Variants in ANK2 observed in about 807,000 individuals in gnomAD.
ANK2 encodes ankyrin 2.
A neutral mutation model predicts 360.5 loss-of-function variants in ANK2; 83 were observed. The ratio of observed to expected loss-of-function variants is 0.23; its 90% CI spans 0.19 to 0.28. The LOEUF is 0.28. Ranked by LOEUF, ANK2 falls within the 10% of genes least tolerant of loss-of-function variation. The pLI is 1.00. For synonymous variants in ANK2, 1,740 were observed against 1,759.5 expected, an observed-to-expected ratio of 0.99 and a Z score of 0.28; for missense variants, 4,201 against 4,795.7, an observed-to-expected ratio of 0.88 and a Z score of 3.66.
At chr4:113,039,902 G>A (rs2062531270) in intron 2 of ANK2, among the ~76,000 whole-genome samples, 1 of 151,816 alleles carries the variant, frequency 6.6e-6, no homozygotes, top group Admixed American at 6.6e-5. Flanking sequence ...GAGGCCCTAG[G>A]TTATTTGTTG....
At chr4:113,161,695 C>CGT (rs56162406) in intron 1 of ANK2, among the ~76,000 whole-genome samples, 7,746 of 144,714 alleles carry the variant, frequency 0.054, 276 homozygotes, top group East Asian at 0.11. Context: ...GTTTTAGTCT[C>CGT]GTGTGTGTGT....
chr4:113,086,974 G>A (rs964617236), intron 1 of ANK2, among the ~76,000 whole-genome samples: 5 of 152,152 alleles, frequency 3.3e-5, no homozygotes, highest in African/African-American at 1.2e-4. Flanking sequence ...ACTGTGTATG[G>A]CAGGTATTAT....
At chr4:113,089,167 G>A (rs557065422) in intron 1 of ANK2, among the ~76,000 whole-genome samples, 98 of 152,206 alleles carry the variant, frequency 6.4e-4, no homozygotes, top group African/African-American at 2.0e-3. Flanking sequence ...AAGTCACAAG[G>A]CCAGCCCAGA....
At chr4:112,767,566 C>CAATAAATAAATA in the ANK2 span, among the ~76,000 whole-genome samples, 13,086 of 144,660 alleles carry the variant, frequency 0.09, 865 homozygotes, top group African/African-American at 0.18. Flanking sequence ...GACCCTGTCT[C>CAATAAATAAATA]AATAAATAAA....
rs114521677 is a variant in ANK2 at position 112,947,138 on chromosome 4, A to G, written c.21+42624A>G. 2.8e-3 allele frequency among the ~76,000 whole-genome samples: 421 copies of G among 152,322 alleles called. 1 individual carries two copies. Among genetic ancestry groups the G allele is most frequent in the Admixed American group, 5.1e-3 (78 of 15,298 alleles). ...TATTTTATTCTCTTTGGGGGTAGGA[A>G]CCATAACTAAACAGTTATTTAACCC... On this transcript the variant is annotated intron_variant, in intron 2 of 30. Coordinates refer to the ANK2 transcript ENST00000503271.
chr4:112,853,156 A>G lies in ANK2; in HGVS notation c.-40+34892A>G, dbSNP rs979981757. ...TGATCTCGGCTCACTGCAACCTCCA[A>G]CTCCCTGGTTCAAGGGATTCTCCTG... On this transcript the variant is annotated intron_variant, in intron 1 of 30. Coordinates refer to the ANK2 transcript ENST00000503271. Among the ~76,000 whole-genome samples the G allele has an allele frequency of 5.9e-5, 9 of 151,386 alleles. 1 individual carries two copies. In the South Asian group the frequency reaches 6.3e-4, roughly 11 times the overall value.
At chr4:112,860,868 T>G (rs2067783763) in intron 1 of ANK2, among the ~76,000 whole-genome samples, 1 of 152,198 alleles carries the variant, frequency 6.6e-6, no homozygotes, top group Non-Finnish European at 1.5e-5. Flanking sequence ...AAGAATTGCT[T>G]CACTGTTAAT....
chr4:112,819,479 A>T (rs532513824), intron 1 of ANK2, among the ~76,000 whole-genome samples: 18 of 152,198 alleles, frequency 1.2e-4, no homozygotes, highest in Non-Finnish European at 2.5e-4. Flanking sequence ...GGTGAGAAAG[A>T]TGATGGTATG....
At chr4:112,797,081 C>G in the ANK2 span, 1 of 204,758 alleles carries the variant, frequency 4.9e-6, no homozygotes, top group Non-Finnish European at 1.1e-5. Flanking sequence ...GGCCACTCCT[C>G]TTCTATCTGA....
chr4:113,354,101 A>G lies in ANK2; in HGVS notation c.5483A>G (p.Glu1828Gly), dbSNP rs760692285. ...HAPGSPSPKTERHSTLSSSAK... is the reference protein window; with the variant it reads ...HAPGSPSPKTGRHSTLSSSAK... ...CCAGGGTCTCCCTCCCCTAAAACAG[A>G]AAGACACTCTACTCTTTCCTCTTCC... The change falls in exon 38 of 46, where the codon GAA (glutamate) becomes GGA (glycine). Residue 1828 changes from glutamate (E) to glycine (G), a missense_variant. Glu to Gly is a moderately conservative substitution (Grantham distance 98). Coordinates refer to ENST00000357077, the MANE Select transcript of ANK2 (RefSeq NM_001148.6). 23 of 1,614,040 alleles carry G rather than the reference A, an allele frequency of 1.4e-5. No homozygotes were observed. In the South Asian group the frequency reaches 2.5e-4, roughly 18 times the overall value.
In ANK2 at chr4:113,117,756, C is replaced by T. The variant is rs549732276; in HGVS notation, c.85-56660C>T. ...ACAGAAGAAGGAAGGGGTTGATTTACGGTTGGAGGGTTAAAGTATTTTCTT... is the reference window on the plus strand; with the variant it reads ...ACAGAAGAAGGAAGGGGTTGATTTATGGTTGGAGGGTTAAAGTATTTTCTT... On this transcript the variant is annotated intron_variant, in intron 1 of 45. Coordinates refer to ENST00000357077, the MANE Select transcript of ANK2 (RefSeq NM_001148.6). Among the ~76,000 whole-genome samples the T allele has an allele frequency of 3.3e-5, 5 of 152,258 alleles. No individual in the cohort carries two copies. The South Asian group carries it at 6.2e-4, about 19-fold the overall frequency.
chr4:113,091,898 C>CT (rs1561994258), intron 1 of ANK2, among the ~76,000 whole-genome samples: 1 of 152,134 alleles, frequency 6.6e-6, no homozygotes, highest in Admixed American at 6.6e-5. Context: ...TCACAAAGGT[C>CT]TTTTTTTCAG....
At chr4:113,137,187 G>C (rs2096460504) in intron 1 of ANK2, among the ~76,000 whole-genome samples, 1 of 152,204 alleles carries the variant, frequency 6.6e-6, no homozygotes, top group African/African-American at 2.4e-5. Context: ...ATAGGTCTGA[G>C]CTTTGGAAAG....
Position 112,947,757 on chromosome 4 carries a change from A to G in ANK2, c.21+43243A>G, listed in dbSNP as rs901868395. 4.5e-4 allele frequency among the ~76,000 whole-genome samples: 68 copies of G among 152,336 alleles called. No homozygotes were observed. In the Middle Eastern group the frequency reaches 0.014, roughly 30 times the overall value. On this transcript the variant is annotated intron_variant, in intron 2 of 30. Transcript: ENST00000503271. ...CATGTTGTATGTCATTTGTAACTGC[A>G]GTGTTCTTCTTTGGATGAAATGTGT...
the ANK2 span, among the ~76,000 whole-genome samples, chr4:112,723,484 C>A: frequency 6.6e-6 from 1 of 152,288 alleles, no homozygotes; most frequent in East Asian, 1.9e-4. Context: ...CTGCCTCAGC[C>A]TCCTGAGTAG....
chr4:112,712,330 T>C, the ANK2 span, among the ~76,000 whole-genome samples: 1 of 150,062 alleles, frequency 6.7e-6, no homozygotes, highest in Admixed American at 6.6e-5. Context: ...TCCACCCACC[T>C]TGGACTCCCA....
chr4:113,114,092 T>C (rs978167396), intron 1 of ANK2, among the ~76,000 whole-genome samples: 2 of 152,220 alleles, frequency 1.3e-5, no homozygotes, highest in African/African-American at 4.8e-5. Context: ...GTGATGAGTT[T>C]ATTTTGTTTA....
chr4:112,861,301 C>A (rs1283090413), intron 1 of ANK2, among the ~76,000 whole-genome samples: 1 of 152,106 alleles, frequency 6.6e-6, no homozygotes, highest in Non-Finnish European at 1.5e-5. Flanking sequence ...TGGGCTACTT[C>A]CTGGGTTGGA....
chr4:113,010,757 TAC>T (rs2054460031), intron 2 of ANK2, among the ~76,000 whole-genome samples: 1 of 152,120 alleles, frequency 6.6e-6, no homozygotes, highest in Non-Finnish European at 1.5e-5. Context: ...ATGCCAGGTG[TAC>T]ACAGTTTTTA....
Sources: gnomAD v4.1 joint callset for allele counts (sites outside exome capture counted in the v4.1 genomes callset) on GRCh38, gnomAD v4.1.1 for gene constraint, MANE v1.5 for transcripts, NCBI Gene and HGNC (gene_info 2026-07-23, HGNC 2026-07-21) for gene names.